SCRG1: variants seen among roughly 807,000 people sequenced by gnomAD.
SCRG1 encodes the protein scrapie-responsive protein 1.
SCRG1 carries 3 observed loss-of-function variants against 7.7 expected under a neutral mutation model. The ratio of observed to expected loss-of-function variants is 0.39; its 90% CI spans 0.18 to 1.01. The LOEUF is 1.01. Among genes scored for constraint, SCRG1 ranks in the 50% least tolerant of loss-of-function variants. The probability of loss-of-function intolerance (pLI) is 0.36; values close to 1 mark genes in which losing one functional copy is unlikely to be tolerated. For missense variants in SCRG1, 110 were observed against 117.2 expected, an observed-to-expected ratio of 0.94 and a Z score of 0.28; for synonymous variants, 46 against 41.2, an observed-to-expected ratio of 1.12 and a Z score of -0.44.
the SCRG1 span, among the ~76,000 whole-genome samples, chr4:173,445,273 A>G: frequency 6.6e-6 from 1 of 152,190 alleles, no homozygotes; most frequent in Non-Finnish European, 1.5e-5. Context: ...TTGTTTTACC[A>G]CAGAAAATAT....
At chr4:173,466,240 G>A in the SCRG1 span, among the ~76,000 whole-genome samples, 436 of 152,254 alleles carry the variant, frequency 2.9e-3, 3 homozygotes, top group African/African-American at 9.9e-3. Context: ...TTCCCAAACA[G>A]CAGTGCTGGG....
chr4:173,507,702 A>C, the SCRG1 span, among the ~76,000 whole-genome samples: 1 of 152,258 alleles, frequency 6.6e-6, no homozygotes, highest in Non-Finnish European at 1.5e-5. This position sits in a 1 kb window ranked among gnomAD's most constrained non-coding sequence, Gnocchi z 4.4. Context: ...ATCTGAGGAG[A>C]GAAGAGAAGC....
chr4:173,458,276 A>G, the SCRG1 span, among the ~76,000 whole-genome samples: 1 of 152,250 alleles, frequency 6.6e-6, no homozygotes. Flanking sequence ...AGAAAAAATC[A>G]GATTAATAGT....
At chr4:173,516,616 A>G in the SCRG1 span, among the ~76,000 whole-genome samples, 1 of 152,198 alleles carries the variant, frequency 6.6e-6, no homozygotes, top group Non-Finnish European at 1.5e-5. Flanking sequence ...GGACGCCCCA[A>G]GAGTATTTAT....
chr4:173,417,321 T>C, the SCRG1 span, among the ~76,000 whole-genome samples: 1 of 152,212 alleles, frequency 6.6e-6, no homozygotes, highest in African/African-American at 2.4e-5. Context: ...TTTAGACAGA[T>C]GCCTCATTTT....
At chr4:173,496,361 G>A in the SCRG1 span, among the ~76,000 whole-genome samples, 1 of 152,120 alleles carries the variant, frequency 6.6e-6, no homozygotes, top group Non-Finnish European at 1.5e-5. Context: ...AAGATATTAA[G>A]GAGGAGCTCA....
chr4:173,490,531 A>T, the SCRG1 span, among the ~76,000 whole-genome samples: 1 of 152,124 alleles, frequency 6.6e-6, no homozygotes. Flanking sequence ...TTTGGCAGAA[A>T]GTTGGTCATA....
the SCRG1 span, among the ~76,000 whole-genome samples, chr4:173,455,190 T>C: frequency 1.3e-5 from 2 of 151,958 alleles, no homozygotes; most frequent in African/African-American, 4.8e-5. Flanking sequence ...GACCACCATG[T>C]AAGCAAACCC....
the SCRG1 span, among the ~76,000 whole-genome samples, chr4:173,439,353 T>C: frequency 3.3e-5 from 5 of 152,036 alleles, no homozygotes; most frequent in African/African-American, 1.2e-4. Context: ...ATAGGCAGAC[T>C]CTGTCTCTAC....
intron 1 of SCRG1, among the ~76,000 whole-genome samples, chr4:173,395,369 C>T (rs1051637825): frequency 6.6e-6 from 1 of 152,192 alleles, no homozygotes; most frequent in Admixed American, 6.5e-5. Context: ...AGGCAAGAGC[C>T]TATAGAGGTC....
In SCRG1 at chr4:173,386,440, A is replaced by C. The variant is rs972931967; in HGVS notation, c.*1901T>G. ...TGGGATTACAGGCGTGAGCCACCGCACCCAGCCGTGTTTATATACACTTTA... is the reference window on the plus strand; with the variant it reads ...TGGGATTACAGGCGTGAGCCACCGCCCCCAGCCGTGTTTATATACACTTTA... On this transcript the variant is annotated 3_prime_UTR_variant, in exon 3 of 3. Transcript: ENST00000296506. The C allele has an allele frequency of 6.6e-6, 1 of 151,358 alleles. No homozygotes were observed. Among genetic ancestry groups the C allele is most frequent in the African/African-American group, 2.4e-5 (1 of 41,088 alleles). The allele number at this position is 151,358 out of a possible 1,614,324, so 9.4% of individuals were successfully genotyped here.
At chr4:173,406,634 C>T (rs1739913465), upstream of SCRG1, among the ~76,000 whole-genome samples, 2 of 152,170 alleles carry the variant, frequency 1.3e-5, no homozygotes, top group African/African-American at 4.8e-5. Flanking sequence ...CAACCCTCCC[C>T]TCCCTCCTAC....
chr4:173,423,578 A>G, the SCRG1 span, among the ~76,000 whole-genome samples: 1 of 151,860 alleles, frequency 6.6e-6, no homozygotes, highest in Non-Finnish European at 1.5e-5. Context: ...TATTAATAAT[A>G]AAAAAACCTT....
chr4:173,476,363 A>AAAAAAAAATATATATGTATATAT, the SCRG1 span, among the ~76,000 whole-genome samples: 1 of 98,484 alleles, frequency 1.0e-5, no homozygotes, highest in Non-Finnish European at 2.3e-5. Flanking sequence ...GGAAAAAAAA[A>AAAAAAAAATATATATGTATATAT]ATATATATAT....
At chr4:173,424,636 G>A in the SCRG1 span, among the ~76,000 whole-genome samples, 2 of 152,140 alleles carry the variant, frequency 1.3e-5, no homozygotes, top group Non-Finnish European at 2.9e-5. Context: ...TAGGCTGGGC[G>A]CGGTGGCTCA....
At chr4:173,416,945 CACACACACAG>C in the SCRG1 span, among the ~76,000 whole-genome samples, 1 of 133,144 alleles carries the variant, frequency 7.5e-6, no homozygotes, top group Non-Finnish European at 1.7e-5. Context: ...CACACACACA[CACACACACAG>C]TCACATCATC....
the SCRG1 span, among the ~76,000 whole-genome samples, chr4:173,480,411 T>C: frequency 2.6e-5 from 4 of 151,442 alleles, no homozygotes; most frequent in Non-Finnish European, 5.9e-5. Flanking sequence ...GTCAATAGCA[T>C]GAGAAAAGGG....
chr4:173,470,788 T>C, the SCRG1 span, among the ~76,000 whole-genome samples: 2 of 152,230 alleles, frequency 1.3e-5, no homozygotes, highest in African/African-American at 2.4e-5. Flanking sequence ...GTTCGTAGTT[T>C]AGTGACAAAA....
chr4:173,410,199 G>A (rs570077908), upstream of SCRG1, among the ~76,000 whole-genome samples: 80 of 152,330 alleles, frequency 5.3e-4, no homozygotes, highest in African/African-American at 1.9e-3. Flanking sequence ...GGTTTGTGGG[G>A]ACAGCTTGTT....
Sources: gnomAD v4.1 joint callset for allele counts (sites outside exome capture counted in the v4.1 genomes callset) on GRCh38, gnomAD v4.1.1 for gene constraint, Gnocchi (gnomAD v3.1) non-coding constraint, MANE v1.5 for transcripts, NCBI Gene and HGNC (gene_info 2026-07-23, HGNC 2026-07-21) for gene names.